The following XKR4 variants were observed in gnomAD, a reference collection of about 807,000 sequenced individuals.
The protein encoded by XKR4 is XK related 4.
XKR4 carries 12 observed loss-of-function variants against 53.9 expected under a neutral mutation model. The observed-to-expected ratio is 0.22, with a 90% confidence interval of 0.14 to 0.36. The LOEUF (loss-of-function observed/expected upper bound fraction) is 0.36. Among genes scored for constraint, XKR4 ranks in the 10% least tolerant of loss-of-function variants. The pLI is 1.00. For synonymous variants in XKR4, 354 were observed against 362.4 expected, an observed-to-expected ratio of 0.98 and a Z score of 0.26; for missense variants, 799 against 859.5, an observed-to-expected ratio of 0.93 and a Z score of 0.88.
At chr8:55,514,612 G>A (rs1421850437) in intron 2 of XKR4, among the ~76,000 whole-genome samples, 1 of 151,978 alleles carries the variant, frequency 6.6e-6, no homozygotes, top group African/African-American at 2.4e-5. Flanking sequence ...TTGTCTTCCT[G>A]TCTCCATCCG....
intron 1 of XKR4, among the ~76,000 whole-genome samples, chr8:55,127,007 T>C (rs1214291479): frequency 6.6e-6 from 1 of 152,114 alleles, no homozygotes; most frequent in Non-Finnish European, 1.5e-5. Flanking sequence ...TTTCATCCAG[T>C]TGGATAAACA....
At chr8:55,464,675 A>G (rs1225594011) in intron 2 of XKR4, among the ~76,000 whole-genome samples, 2 of 152,184 alleles carry the variant, frequency 1.3e-5, no homozygotes, top group Non-Finnish European at 2.9e-5. Flanking sequence ...GTATTCAATT[A>G]GGAAAAGAGG....
intron 2 of XKR4, chr8:55,452,808 C>A: frequency 1.3e-6 from 1 of 775,874 alleles, no homozygotes. Context: ...GGGGACCAGG[C>A]TGTTGCTGGT....
At chr8:55,496,150 T>A (rs1231151664) in intron 2 of XKR4, among the ~76,000 whole-genome samples, 1 of 152,172 alleles carries the variant, frequency 6.6e-6, no homozygotes, top group Non-Finnish European at 1.5e-5. Context: ...GTAATAGTAA[T>A]GAGGGCAATA....
chr8:55,337,221 A>G (rs538961571), intron 1 of XKR4, among the ~76,000 whole-genome samples: 3 of 152,272 alleles, frequency 2.0e-5, no homozygotes, highest in African/African-American at 7.2e-5. Flanking sequence ...TTTGCCTTTT[A>G]TCAGAAAAGA....
chr8:55,157,649 G>GT (rs1051785369), intron 1 of XKR4, among the ~76,000 whole-genome samples: 8 of 152,110 alleles, frequency 5.3e-5, no homozygotes, highest in East Asian at 3.9e-4. Context: ...CTGATGGGTA[G>GT]TTTTTTTTAT....
At chr8:55,480,185 T>G (rs1295441527) in intron 2 of XKR4, among the ~76,000 whole-genome samples, 1 of 152,122 alleles carries the variant, frequency 6.6e-6, no homozygotes, top group Non-Finnish European at 1.5e-5. Flanking sequence ...CAGCAGCACA[T>G]CAAAAAGCTT....
chr8:55,143,521 C>G (rs2129354513), intron 1 of XKR4, among the ~76,000 whole-genome samples: 1 of 152,248 alleles, frequency 6.6e-6, no homozygotes, highest in East Asian at 1.9e-4. Flanking sequence ...AAAGAGCCAA[C>G]ATCTGTGTAA....
intron 1 of XKR4, among the ~76,000 whole-genome samples, chr8:55,292,211 C>G (rs1301022737): frequency 6.6e-6 from 1 of 152,048 alleles, no homozygotes; most frequent in East Asian, 1.9e-4. Flanking sequence ...GGGAAGGGTT[C>G]TCTTCTATAT....
intron 1 of XKR4, among the ~76,000 whole-genome samples, chr8:55,205,951 G>A (rs563844405): frequency 6.6e-6 from 1 of 152,076 alleles, no homozygotes; most frequent in African/African-American, 2.4e-5. Flanking sequence ...GTGGGTTCGT[G>A]GTCTCGCTGA....
chr8:55,528,170 A>G lies in XKR4; in HGVS notation c.*3943A>G, dbSNP rs1806903367. The G allele has an allele frequency of 1.3e-5, 2 of 152,226 alleles. No individual in the cohort carries two copies. The highest frequency in any genetic ancestry group is 2.4e-5 in the African/African-American group (1 of 41,464). The allele number at this position is 152,226 out of a possible 1,614,324, so 9.4% of individuals were successfully genotyped here. ...CCTTTTTCAAAACCAACCCAAGCTT[A>G]CAGTCCATCTATAAGACCAACACAC... On this transcript the variant is annotated 3_prime_UTR_variant, in exon 3 of 3. Coordinates refer to ENST00000327381, the MANE Select transcript of XKR4 (RefSeq NM_052898.2).
chr8:55,422,627 G>A (rs1240564841), intron 2 of XKR4, among the ~76,000 whole-genome samples: 1 of 152,206 alleles, frequency 6.6e-6, no homozygotes, highest in Non-Finnish European at 1.5e-5. Context: ...AGAAAGGTAG[G>A]CTGGAATCAC....
At chr8:55,150,054 A>G (rs2129355511) in intron 1 of XKR4, among the ~76,000 whole-genome samples, 1 of 152,336 alleles carries the variant, frequency 6.6e-6, no homozygotes. Context: ...CAGACAAATC[A>G]GCCTAAAGCT....
intron 1 of XKR4, among the ~76,000 whole-genome samples, chr8:55,170,709 G>T (rs1013572799): frequency 6.6e-6 from 1 of 152,154 alleles, no homozygotes; most frequent in African/African-American, 2.4e-5. Context: ...TTTTAACCTG[G>T]CAGGCATAAC....
At position 55,535,717 on chromosome 8, in the gene XKR4, A is replaced by G. The variant is rs1046264933; in HGVS notation, c.*11490A>G. ...GCTCATCCATAGTATTTGCCTTTTC[A>G]CAGAGCAGAGAAGTTCAAAATAGTC... On this transcript the variant is annotated 3_prime_UTR_variant, in exon 3 of 3. Transcript: ENST00000327381. The G allele has an allele frequency of 4.6e-5, 7 of 152,264 alleles. No individual in the cohort carries two copies. Among genetic ancestry groups the G allele is most frequent in the African/African-American group, 1.7e-4 (7 of 41,432 alleles). 9.4% of individuals were successfully genotyped at this position (152,264 alleles called of 1,614,324 possible).
At chr8:55,185,146 G>A (rs969101671) in intron 1 of XKR4, among the ~76,000 whole-genome samples, 1 of 152,126 alleles carries the variant, frequency 6.6e-6, no homozygotes, top group Non-Finnish European at 1.5e-5. Flanking sequence ...TAATAGCTTG[G>A]TTTGATGAAA....
chr8:55,259,659 G>A (rs1818490995), intron 1 of XKR4, among the ~76,000 whole-genome samples: 1 of 152,118 alleles, frequency 6.6e-6, no homozygotes. Flanking sequence ...TCTCTCCCGA[G>A]GCTCTTGCAC....
intron 2 of XKR4, among the ~76,000 whole-genome samples, chr8:55,435,905 A>T (rs1249602410): frequency 6.6e-6 from 1 of 152,144 alleles, no homozygotes; most frequent in Non-Finnish European, 1.5e-5. Context: ...GAAACCCTCC[A>T]CAGGATTTTC....
chr8:55,524,034 C>T lies in XKR4; in HGVS notation c.1760C>T (p.Pro587Leu), dbSNP rs1806845013. 6.2e-7 allele frequency: 1 copy of T among 1,614,062 alleles called. No homozygotes were observed. The highest frequency in any genetic ancestry group is 1.3e-5 in the African/African-American group (1 of 74,908). The change falls in exon 3 of 3, where the codon CCA (proline) becomes CTA (leucine). Residue 587 changes from proline to leucine, a missense_variant. Pro to Leu is a moderately conservative substitution (Grantham distance 98). Around this residue, in one of 3 missense-constraint regions of XKR4, gnomAD observed 269 missense variants for 264.4 expected, o/e 1.02. Transcript: ENST00000327381. ...PTAPSTPSSR[P>L]PRIEESVIKI... ...GCCCCATCCACCCCATCATCTCGCC[C>T]ACCACGGATTGAAGAATCAGTCATT...
Sources: allele counts gnomAD v4.1 joint callset (sites outside exome capture counted in the v4.1 genomes callset), GRCh38; gene constraint gnomAD v4.1.1; regional missense constraint gnomAD v4.1.1; transcripts MANE v1.5; gene names NCBI Gene and HGNC (gene_info 2026-07-23, HGNC 2026-07-21).